MSRB3: variants seen among roughly 807,000 people sequenced by gnomAD.
MSRB3 encodes methionine sulfoxide reductase B3, also known as methionine-R-sulfoxide reductase B3.
MSRB3 carries 13 observed loss-of-function variants against 21.0 expected under a neutral mutation model. The observed-to-expected ratio is 0.62, with a 90% CI of 0.40 to 0.98. The LOEUF (loss-of-function observed/expected upper bound fraction) is 0.98. MSRB3 is among the 50% of genes least tolerant of loss of function. The probability of loss-of-function intolerance (pLI) is 0.00; values close to 1 mark genes in which losing one functional copy is unlikely to be tolerated. For synonymous variants in MSRB3, 87 were observed against 88.6 expected (o/e 0.98, Z 0.10); for missense variants, 199 against 230.3 (o/e 0.86, Z 0.88).
chr12:65,302,547 A>T, intron 1 of MSRB3, among the ~76,000 whole-genome samples: 1 of 151,996 alleles, frequency 6.6e-6, no homozygotes, highest in Middle Eastern at 3.4e-3. Flanking sequence ...ATTTATATAG[A>T]TGAATTGAGT....
At chr12:65,298,292 C>T (rs1442815851) in intron 1 of MSRB3, among the ~76,000 whole-genome samples, 4 of 152,134 alleles carry the variant, frequency 2.6e-5, no homozygotes, top group African/African-American at 9.7e-5. Flanking sequence ...GCGTGAGCCA[C>T]CACACCCTGC....
intron 1 of MSRB3, among the ~76,000 whole-genome samples, chr12:65,295,029 CTA>C (rs2136401436): frequency 6.6e-6 from 1 of 152,254 alleles, no homozygotes; most frequent in Non-Finnish European, 1.5e-5. Flanking sequence ...AGAGATGGCA[CTA>C]TGTTGCCCAG....
At chr12:65,352,246 T>A (rs1877058635) in intron 4 of MSRB3, among the ~76,000 whole-genome samples, 1 of 152,134 alleles carries the variant, frequency 6.6e-6, no homozygotes, top group Admixed American at 6.5e-5. Context: ...AGAAAAAGCC[T>A]TTGACAAAAT....
intron 4 of MSRB3, among the ~76,000 whole-genome samples, chr12:65,346,728 T>G (rs1466273322): frequency 4.6e-5 from 7 of 152,284 alleles, no homozygotes; most frequent in Admixed American, 1.3e-4. Context: ...GGTCTAACAT[T>G]TAAGTCTTCA....
At chr12:65,393,816 G>C (rs1030879157) in intron 5 of MSRB3, among the ~76,000 whole-genome samples, 6 of 151,944 alleles carry the variant, frequency 3.9e-5, no homozygotes, top group African/African-American at 1.4e-4. Context: ...CTATGACTCA[G>C]TGTTATTGTT....
intron 5 of MSRB3, among the ~76,000 whole-genome samples, chr12:65,437,496 C>T (rs1037200705): frequency 6.6e-6 from 1 of 151,800 alleles, no homozygotes; most frequent in Admixed American, 6.6e-5. Context: ...TATTAATAAC[C>T]AGGCCTGAAC....
At chr12:65,350,704 A>G (rs371702623) in intron 4 of MSRB3, among the ~76,000 whole-genome samples, 1,730 of 138,270 alleles carry the variant, frequency 0.013, 38 homozygotes, top group East Asian at 0.055. Flanking sequence ...AAAGATCAAA[A>G]GAGACAAAGA....
chr12:65,365,934 ATCTGTAGATAAATACC>A (rs963948988), intron 4 of MSRB3, among the ~76,000 whole-genome samples: 1 of 152,130 alleles, frequency 6.6e-6, no homozygotes, highest in African/African-American at 2.4e-5. Flanking sequence ...TGGCCATGGA[ATCTGTAGATAAATACC>A]TCCTTTCTCT....
At chr12:65,409,353 G>A (rs1880596009) in intron 5 of MSRB3, among the ~76,000 whole-genome samples, 1 of 152,032 alleles carries the variant, frequency 6.6e-6, no homozygotes, top group South Asian at 2.1e-4. Context: ...ATGTAATATA[G>A]TCTATTGCTC....
chr12:65,297,338 A>G (rs930602494), intron 1 of MSRB3, among the ~76,000 whole-genome samples: 1 of 152,202 alleles, frequency 6.6e-6, no homozygotes, highest in Non-Finnish European at 1.5e-5. Flanking sequence ...TACCTGTGTA[A>G]TAAACCTGCA....
intron 2 of MSRB3, chr12:65,316,066 ATAT>A (rs1466489072): frequency 6.6e-6 from 1 of 152,154 alleles, no homozygotes; most frequent in East Asian, 1.9e-4. Flanking sequence ...GCTTCTCATC[ATAT>A]TATTGGTATT....
intron 2 of MSRB3, among the ~76,000 whole-genome samples, chr12:65,319,729 A>G (rs1874538229): frequency 6.6e-6 from 1 of 152,206 alleles, no homozygotes; most frequent in African/African-American, 2.4e-5. Context: ...AACAGTTTTT[A>G]TCTTCAAAGA....
intron 5 of MSRB3, among the ~76,000 whole-genome samples, chr12:65,431,623 G>A (rs949861272): frequency 1.6e-4 from 24 of 151,898 alleles, no homozygotes; most frequent in Admixed American, 3.3e-4. Flanking sequence ...TTTTGAAGGA[G>A]GTGAAAGTCA....
chr12:65,453,520 A>G (rs1038247292), intron 5 of MSRB3, among the ~76,000 whole-genome samples: 1 of 152,220 alleles, frequency 6.6e-6, no homozygotes. Flanking sequence ...TGCAACTGTA[A>G]TCTGAATATG....
At chr12:65,308,467 A>T (rs1873787369) in intron 1 of MSRB3, 62 bp from the exon 2 acceptor site, 1 of 1,577,242 alleles carries the variant, frequency 6.3e-7, no homozygotes, top group Admixed American at 1.8e-5. Context: ...TTGTGCAATG[A>T]ATGTGTTTAA....
At chr12:65,346,537 A>G (rs200873774) in intron 4 of MSRB3, among the ~76,000 whole-genome samples, 2 of 151,632 alleles carry the variant, frequency 1.3e-5, no homozygotes, top group African/African-American at 2.4e-5. Flanking sequence ...CTGTAGGTTG[A>G]CTGTTCACTC....
chr12:65,434,689 A>G (rs1281128238), intron 5 of MSRB3, among the ~76,000 whole-genome samples: 8 of 151,850 alleles, frequency 5.3e-5, no homozygotes, highest in Non-Finnish European at 1.2e-4. Flanking sequence ...AAAATACTCT[A>G]TTTTCCTTCC....
chr12:65,454,128 A>G (rs1362863302), intron 6 of MSRB3: 1 of 590,862 alleles, frequency 1.7e-6, no homozygotes, highest in African/African-American at 1.9e-5. Flanking sequence ...TACAGAAAAT[A>G]TTTTAAAACT....
At chr12:65,423,932 T>TTTTC (rs1250291079) in intron 5 of MSRB3, among the ~76,000 whole-genome samples, 3 of 152,198 alleles carry the variant, frequency 2.0e-5, no homozygotes, top group African/African-American at 7.2e-5. Flanking sequence ...TTTAAAAGGT[T>TTTTC]GGTAGAATTC....
Sources: allele counts gnomAD v4.1 joint callset (sites outside exome capture counted in the v4.1 genomes callset), GRCh38; gene constraint gnomAD v4.1.1; transcripts MANE v1.5; gene names NCBI Gene and HGNC (gene_info 2026-07-23, HGNC 2026-07-21).